The following PARVG variants were observed in gnomAD, a reference collection of about 807,000 sequenced individuals.
PARVG encodes gamma-parvin.
Under a neutral mutation model 44.4 loss-of-function variants are expected in PARVG, and 36 were observed. The observed-to-expected ratio is 0.81, with a 90% CI of 0.62 to 1.07. PARVG has a LOEUF of 1.07. Ranked by LOEUF, PARVG falls within the 50% of genes least tolerant of loss-of-function variation. The pLI, the probability that PARVG is intolerant of heterozygous loss-of-function variation, is 0.00. For missense variants in PARVG, 407 were observed against 407.4 expected, an observed-to-expected ratio of 1.00 and a Z score of 0.01; for synonymous variants, 170 against 174.1, an observed-to-expected ratio of 0.98 and a Z score of 0.19.
upstream of PARVG, among the ~76,000 whole-genome samples, chr22:44,177,361 A>G (rs1281080538): frequency 6.6e-6 from 1 of 152,244 alleles, no homozygotes; most frequent in Non-Finnish European, 1.5e-5. Flanking sequence ...TAATCAGGAA[A>G]TAACATTGAT....
chr22:44,201,548 A>C (rs542791865), intron 12 of PARVG, among the ~76,000 whole-genome samples: 42 of 152,318 alleles, frequency 2.8e-4, no homozygotes, highest in African/African-American at 9.4e-4. Context: ...AGGCCGGGGC[A>C]GTCAGTGTCT....
chr22:44,203,137 G>A (rs1281998768), intron 12 of PARVG, among the ~76,000 whole-genome samples: 1 of 152,176 alleles, frequency 6.6e-6, no homozygotes, highest in Non-Finnish European at 1.5e-5. Context: ...ACAAACAGAA[G>A]CAGATGTCAT....
intron 12 of PARVG, among the ~76,000 whole-genome samples, chr22:44,198,992 T>TCCACCCAC (rs2054668337): frequency 2.7e-4 from 4 of 14,664 alleles, no homozygotes; most frequent in African/African-American, 1.1e-3. Context: ...CCATCCATCA[T>TCCACCCAC]CTACCTATCT....
intron 5 of PARVG, chr22:44,188,268 T>A: frequency 4.6e-6 from 1 of 217,634 alleles, no homozygotes; most frequent in Non-Finnish European, 9.4e-6. Context: ...GGGGCAGGGC[T>A]GGGCTCCTGT....
At chr22:44,192,023 ATTTC>A in intron 7 of PARVG, 22 bp from the exon 8 acceptor site, 1 of 1,612,864 alleles carries the variant, frequency 6.2e-7, no homozygotes, top group Non-Finnish European at 8.5e-7. Context: ...GGATTATTTA[ATTTC>A]TTCCCCCTTT....
At chr22:44,199,878 G>T (rs915252741) in intron 12 of PARVG, among the ~76,000 whole-genome samples, 2 of 152,166 alleles carry the variant, frequency 1.3e-5, no homozygotes, top group African/African-American at 4.8e-5. Context: ...CTGACCTGGG[G>T]GGATCAGCAG....
intron 12 of PARVG, among the ~76,000 whole-genome samples, chr22:44,201,191 G>A (rs778891828): frequency 9.2e-5 from 14 of 152,106 alleles, no homozygotes; most frequent in Middle Eastern, 3.2e-3. Flanking sequence ...GCAGTCCCTC[G>A]GCGCTCTGTG....
chr22:44,199,868 C>G (rs749212948), intron 12 of PARVG, among the ~76,000 whole-genome samples: 48 of 152,294 alleles, frequency 3.2e-4, no homozygotes, highest in Middle Eastern at 3.4e-3. Context: ...AGGGTGGGGC[C>G]TGACCTGGGG....
In PARVG at chr22:44,207,065, G is replaced by A. The variant is rs1208033093; in HGVS notation, c.*639G>A. On this transcript the variant is annotated 3_prime_UTR_variant, in exon 14 of 14. Transcript: ENST00000444313. ...CTTCGTGGTTGATTAGTGGGTTCAG[G>A]TCATCTCCAGTCTGTCCTCGGGAGC... 6.5e-6 allele frequency: 1 copy of A among 153,388 alleles called. No homozygotes were observed. The highest frequency in any genetic ancestry group is 1.4e-5 in the Non-Finnish European group (1 of 69,396). 9.5% of individuals were successfully genotyped at this position (153,388 alleles called of 1,614,324 possible).
At chr22:44,201,083 C>T (rs1040957598) in intron 12 of PARVG, among the ~76,000 whole-genome samples, 12 of 152,154 alleles carry the variant, frequency 7.9e-5, no homozygotes, top group Admixed American at 2.6e-4. Flanking sequence ...TCCCTCACAT[C>T]CACGCAGGCT....
rs199889732 is a variant in PARVG, at chr22:44,190,659, C to T, written c.497C>T (p.Thr166Ile). 6.2e-7 allele frequency: 1 copy of T among 1,611,618 alleles called. No homozygotes were observed. The highest frequency in any genetic ancestry group is 2.2e-5 in the East Asian group (1 of 44,880). The change falls in exon 7 of 14, where the codon ACT (threonine) becomes ATT (isoleucine). Residue 166 changes from threonine to isoleucine, a missense_variant. Coordinates refer to ENST00000444313, the MANE Select transcript of PARVG (RefSeq NM_022141.7). ...LPTNVQVEVI[T>I]IESTKSGLKS... ...ACCAACGTCCAGGTGGAGGTCATCA[C>T]TATCGAGGTAGCAGCCTGGGCCCCA...
chr22:44,190,546 C>T lies in PARVG; in HGVS notation c.389-5C>T, dbSNP rs2054533347. The T allele has an allele frequency of 6.2e-7, 1 of 1,612,430 alleles. No homozygotes were observed. Among genetic ancestry groups the T allele is most frequent in the Non-Finnish European group, 8.5e-7 (1 of 1,178,420 alleles). On this transcript the variant is annotated splice_region_variant and splice_polypyrimidine_tract_variant and intron_variant, in intron 6 of 13. Transcript: ENST00000444313. ...GGCTCTGACCTGTCTCCACTCTCTT[C>T]CCAGGCATCTTCAACAAGGACCTGT...
rs2054785451 is a variant in PARVG, at chr22:44,206,595, G to A, written c.*169G>A. The A allele has an allele frequency of 1.6e-6, 1 of 637,674 alleles. No individual in the cohort carries two copies. Among genetic ancestry groups the A allele is most frequent in the Admixed American group, 2.9e-5 (1 of 34,886 alleles). The allele number at this position is 637,674 out of a possible 1,614,324, so 39.5% of individuals were successfully genotyped here. A position where few individuals can be genotyped will look rare whatever the true frequency, so the allele number is the denominator to read the frequency against. On this transcript the variant is annotated 3_prime_UTR_variant, in exon 14 of 14. Coordinates refer to ENST00000444313, the MANE Select transcript of PARVG (RefSeq NM_022141.7). The stretch of plus-strand genomic sequence containing the variant: ...GATTATCTTTGAACCCCCTTGTGTG[G>A]ATCATTTTGAGCCGCCTGGCCTTGC...
At chr22:44,201,059 T>C (rs1291279782) in intron 12 of PARVG, among the ~76,000 whole-genome samples, 1 of 152,056 alleles carries the variant, frequency 6.6e-6, no homozygotes, top group Non-Finnish European at 1.5e-5. Flanking sequence ...CTCCAGGGCC[T>C]GGTCCTCCCC....
chr22:44,173,217 C>T, intron 1 of PARVG: 5 of 1,226,204 alleles, frequency 4.1e-6, no homozygotes, highest in Non-Finnish European at 5.2e-6. Flanking sequence ...TCATCTGCCC[C>T]TCTGCCTGGG....
chr22:44,190,756 G>T, intron 7 of PARVG, 90 bp downstream of exon 7: 1 of 1,153,000 alleles, frequency 8.7e-7, no homozygotes, highest in Non-Finnish European at 1.3e-6. Flanking sequence ...GCTGGCTGGG[G>T]CGGGGCTGAC....
chr22:44,175,279 G>A (rs1168768173), intron 1 of PARVG, among the ~76,000 whole-genome samples: 1 of 152,218 alleles, frequency 6.6e-6, no homozygotes, highest in Non-Finnish European at 1.5e-5. Flanking sequence ...CTCCTTTCCT[G>A]GTGGCCAGTC....
upstream of PARVG, among the ~76,000 whole-genome samples, chr22:44,178,785 A>AT (rs2054341674): frequency 6.7e-6 from 1 of 150,356 alleles, no homozygotes; most frequent in South Asian, 2.1e-4. Context: ...TGGATCTTGG[A>AT]TTAAAAAAAA....
intron 3 of PARVG, 64 bp downstream of exon 3, chr22:44,183,472 C>G: frequency 6.9e-7 from 1 of 1,446,568 alleles, no homozygotes; most frequent in South Asian, 1.4e-5. Flanking sequence ...TGAGCCTGGC[C>G]ATGCCTGGGA....
Sources: allele counts gnomAD v4.1 joint callset (sites outside exome capture counted in the v4.1 genomes callset), GRCh38; gene constraint gnomAD v4.1.1; transcripts MANE v1.5; gene names NCBI Gene and HGNC (gene_info 2026-07-23, HGNC 2026-07-21).